Variants in CLIC5 observed in about 807,000 individuals in gnomAD.
CLIC5 encodes CLIC family member 5.
Under a neutral mutation model 24.7 loss-of-function variants are expected in CLIC5, and 20 were observed. The ratio of observed to expected loss-of-function variants is 0.81; its 90% confidence interval spans 0.57 to 1.18. The LOEUF (loss-of-function observed/expected upper bound fraction) is 1.18. Among genes scored for constraint, CLIC5 ranks in the 50% most tolerant of loss-of-function variants. The probability of loss-of-function intolerance (pLI) is 0.00; values close to 1 mark genes in which losing one functional copy is unlikely to be tolerated. For synonymous variants in CLIC5, 159 were observed against 135.6 expected, an observed-to-expected ratio of 1.17 and a Z score of -1.20; for missense variants, 341 against 326.1, an observed-to-expected ratio of 1.05 and a Z score of -0.35.
intron 1 of CLIC5, among the ~76,000 whole-genome samples, chr6:46,070,751 A>C (rs1430044873): frequency 2.0e-5 from 3 of 152,218 alleles, no homozygotes; most frequent in Non-Finnish European, 4.4e-5. Context: ...GAAGCCAAAA[A>C]AGAACCCAAA....
chr6:46,053,067 T>C (rs578005697), intron 1 of CLIC5, among the ~76,000 whole-genome samples: 9 of 152,172 alleles, frequency 5.9e-5, no homozygotes, highest in Admixed American at 2.0e-4. Context: ...TCTGAAATCA[T>C]TGAGCAAAAA....
chr6:45,970,512 T>A (rs931483723), intron 1 of CLIC5, among the ~76,000 whole-genome samples: 1 of 152,054 alleles, frequency 6.6e-6, no homozygotes, highest in Non-Finnish European at 1.5e-5. Context: ...AGGCAGGAAA[T>A]GTTCTCTTTA....
chr6:45,937,336 G>A (rs1025076037), intron 4 of CLIC5: 13 of 152,124 alleles, frequency 8.5e-5, no homozygotes, highest in African/African-American at 2.9e-4. Flanking sequence ...CTGCGCTAAG[G>A]GTTTTACATG....
chr6:45,911,939 C>G, intron 5 of CLIC5: 2 of 985,536 alleles, frequency 2.0e-6, no homozygotes, highest in Non-Finnish European at 2.4e-6. Context: ...AAGCCAAACT[C>G]TCATGGAGAG....
At chr6:45,991,062 C>T (rs1765918288) in intron 1 of CLIC5, among the ~76,000 whole-genome samples, 1 of 152,156 alleles carries the variant, frequency 6.6e-6, no homozygotes, top group South Asian at 2.1e-4. Context: ...CCTAAAGTGA[C>T]CCCCAGATCC....
intron 1 of CLIC5, among the ~76,000 whole-genome samples, chr6:46,067,602 C>A (rs1180165446): frequency 1.3e-5 from 2 of 152,206 alleles, no homozygotes. Flanking sequence ...TGTCTAACCC[C>A]AGTTGCTGTG....
chr6:46,053,924 C>A (rs910963198), intron 1 of CLIC5, among the ~76,000 whole-genome samples: 1 of 152,142 alleles, frequency 6.6e-6, no homozygotes, highest in African/African-American at 2.4e-5. Context: ...GATCAGGTAG[C>A]TTTGCTGTGT....
intron 1 of CLIC5, among the ~76,000 whole-genome samples, chr6:46,060,428 G>C (rs1402268483): frequency 6.6e-6 from 1 of 152,094 alleles, no homozygotes; most frequent in Non-Finnish European, 1.5e-5. Flanking sequence ...AAAGAGGGTG[G>C]GGTGGGAGTG....
At chr6:45,950,269 T>C (rs946566404) in intron 2 of CLIC5, among the ~76,000 whole-genome samples, 1 of 152,098 alleles carries the variant, frequency 6.6e-6, no homozygotes, top group Non-Finnish European at 1.5e-5. Context: ...GAATAAAGCA[T>C]GCATTTTTGA....
At chr6:46,040,761 T>TA (rs1400440992) in intron 1 of CLIC5, among the ~76,000 whole-genome samples, 2 of 152,022 alleles carry the variant, frequency 1.3e-5, no homozygotes, top group East Asian at 1.9e-4. Context: ...GTGGTTTTTT[T>TA]AAAAAAAGCT....
chr6:45,961,382 T>A (rs963949051), intron 1 of CLIC5, among the ~76,000 whole-genome samples: 1 of 152,162 alleles, frequency 6.6e-6, no homozygotes, highest in African/African-American at 2.4e-5. Flanking sequence ...CCCAGAAAGG[T>A]TAAATGAATT....
chr6:46,072,987 T>C (rs1339901746), intron 1 of CLIC5, among the ~76,000 whole-genome samples: 3 of 151,992 alleles, frequency 2.0e-5, no homozygotes, highest in African/African-American at 7.3e-5. Context: ...TAAAGAAAAA[T>C]CCCCTGGATG....
intron 1 of CLIC5, among the ~76,000 whole-genome samples, chr6:45,994,039 T>C (rs529536969): frequency 6.6e-6 from 1 of 152,282 alleles, no homozygotes; most frequent in South Asian, 2.1e-4. Context: ...TTTCTTGAGA[T>C]TGACATAAAT....
At chr6:45,890,119 G>T (rs1437821049) in intron 6 of CLIC5, among the ~76,000 whole-genome samples, 1 of 152,104 alleles carries the variant, frequency 6.6e-6, no homozygotes, top group African/African-American at 2.4e-5. Context: ...GAGTTCCTTT[G>T]TGTATTTTGG....
At position 45,901,060 on chromosome 6, in the gene CLIC5, G is replaced by C. The variant is rs758455830; in HGVS notation, c.*2028C>G. ...CCTCTTAGGTCATCCTGCCTGTGCT[G>C]TAAATTCGGGGAAGGATTTCTGAGT... On this transcript the variant is annotated 3_prime_UTR_variant, in exon 6 of 6. Coordinates refer to ENST00000339561, the MANE Select transcript of CLIC5 (RefSeq NM_016929.5). 2 of 152,160 alleles carry C rather than the reference G, an allele frequency of 1.3e-5. No homozygotes were observed. Among genetic ancestry groups the C allele is most frequent in the Non-Finnish European group, 2.9e-5 (2 of 68,042 alleles). 9.4% of individuals were successfully genotyped at this position (152,160 alleles called of 1,614,324 possible).
chr6:46,005,649 C>G (rs1490090120), intron 1 of CLIC5, among the ~76,000 whole-genome samples: 2 of 152,094 alleles, frequency 1.3e-5, no homozygotes, highest in East Asian at 1.9e-4. Context: ...AATTCCTATG[C>G]TAAAATTTCA....
intron 1 of CLIC5, among the ~76,000 whole-genome samples, chr6:46,052,075 G>A (rs1768118652): frequency 6.6e-6 from 1 of 150,984 alleles, no homozygotes; most frequent in Non-Finnish European, 1.5e-5. Context: ...AATTAGTCTA[G>A]TATTTTCCAT....
intron 1 of CLIC5, among the ~76,000 whole-genome samples, chr6:45,998,286 C>T (rs897114540): frequency 2.0e-5 from 3 of 152,174 alleles, no homozygotes; most frequent in South Asian, 4.1e-4. Context: ...TGGCTATGTC[C>T]CAGCACACAG....
the CLIC5 span, among the ~76,000 whole-genome samples, chr6:46,095,160 G>A: frequency 6.6e-6 from 1 of 151,310 alleles, no homozygotes; most frequent in Non-Finnish European, 1.5e-5. Flanking sequence ...CCCTGGGCCT[G>A]GCCCAGGAAA....
Sources: gnomAD v4.1 joint callset for allele counts (sites outside exome capture counted in the v4.1 genomes callset) on GRCh38, gnomAD v4.1.1 for gene constraint, MANE v1.5 for transcripts, NCBI Gene and HGNC (gene_info 2026-07-23, HGNC 2026-07-21) for gene names.